Variants in SEC22A observed in about 807,000 individuals in gnomAD.
SEC22A encodes vesicle-trafficking protein SEC22a.
SEC22A carries 22 observed loss-of-function variants against 35.3 expected under a neutral mutation model. The ratio of observed to expected loss-of-function variants is 0.62; its 90% confidence interval spans 0.45 to 0.89. The LOEUF (loss-of-function observed/expected upper bound fraction) is 0.89. Ranked by LOEUF, SEC22A falls within the 40% of genes least tolerant of loss-of-function variation. SEC22A has a pLI of 0.00. For synonymous variants in SEC22A, 119 were observed against 129.5 expected, an observed-to-expected ratio of 0.92 and a Z score of 0.55; for missense variants, 354 against 362.5, an observed-to-expected ratio of 0.98 and a Z score of 0.19.
chr3:123,237,829 ATG>A (rs573677715), intron 4 of SEC22A, among the ~76,000 whole-genome samples: 3 of 151,642 alleles, frequency 2.0e-5, no homozygotes, highest in Non-Finnish European at 4.4e-5. Context: ...CACTTGGAAA[ATG>A]GGGAGAGTCT....
Position 123,224,157 on chromosome 3 carries a change from A to T in SEC22A, c.346+435A>T, listed in dbSNP as rs533889352. On this transcript the variant is annotated intron_variant, in intron 3 of 6. Transcript: ENST00000492595. ...GCCGTTGTAGCTCGAAAGCAGCCAT[A>T]GGCAGTACGTAAATGAGTGCAGTTA... is the stretch of plus-strand genomic sequence containing the variant. 2.0e-5 allele frequency among the ~76,000 whole-genome samples: 3 copies of T among 152,306 alleles called. No homozygotes were observed. In the South Asian group the frequency reaches 6.2e-4, roughly 32 times the overall value.
chr3:123,271,542 C>T lies in SEC22A; in HGVS notation c.744C>T (p.Tyr248=), dbSNP rs1481458331. 8 of 1,613,660 alleles carry T rather than the reference C, an allele frequency of 5.0e-6. No homozygotes were observed. Among genetic ancestry groups the T allele is most frequent in the Admixed American group, 3.3e-5 (2 of 60,024 alleles). ...AACAGTGTTATTTACTTGTCTACTA[C>T]ACCGGCTGGCGGAATGTCAAATCTT... ...CLYQCYLLVY[Y]TGWRNVKSFL... The change falls in exon 7 of 7, where the codon TAC becomes TAT. Residue 248 remains tyrosine, a synonymous_variant. Transcript: ENST00000492595.
At chr3:123,250,134 G>A (rs1265642715) in intron 5 of SEC22A, among the ~76,000 whole-genome samples, 10 of 152,118 alleles carry the variant, frequency 6.6e-5, no homozygotes, top group Admixed American at 5.9e-4. Flanking sequence ...TGGAGGGGCT[G>A]GGCACGGTGG....
chr3:123,242,103 G>T (rs1937529320), intron 4 of SEC22A, among the ~76,000 whole-genome samples: 1 of 151,998 alleles, frequency 6.6e-6, no homozygotes. Flanking sequence ...GGTTTCACTT[G>T]ATTCTCCTGC....
chr3:123,262,836 G>A (rs1467561780), intron 6 of SEC22A, among the ~76,000 whole-genome samples: 1 of 152,206 alleles, frequency 6.6e-6, no homozygotes, highest in Non-Finnish European at 1.5e-5. Context: ...ATGTGTATGG[G>A]TAAAGTTTTT....
chr3:123,263,203 C>T (rs775306733), intron 6 of SEC22A, among the ~76,000 whole-genome samples: 7 of 152,086 alleles, frequency 4.6e-5, no homozygotes, highest in African/African-American at 7.2e-5. Flanking sequence ...AAGAAAATAC[C>T]ATAGATTGGG....
chr3:123,268,551 C>T (rs1472300183), intron 6 of SEC22A, among the ~76,000 whole-genome samples: 1 of 152,086 alleles, frequency 6.6e-6, no homozygotes, highest in East Asian at 1.9e-4. Context: ...CTCCATCTTC[C>T]CAGAAACAGA....
intron 2 of SEC22A, among the ~76,000 whole-genome samples, chr3:123,216,784 C>G (rs1490440837): frequency 6.6e-6 from 1 of 152,160 alleles, no homozygotes; most frequent in African/African-American, 2.4e-5. Context: ...TAATACAATT[C>G]ATAAGATATG....
intron 4 of SEC22A, among the ~76,000 whole-genome samples, chr3:123,229,614 AAC>A (rs1279999158): frequency 6.6e-6 from 1 of 152,252 alleles, no homozygotes; most frequent in Non-Finnish European, 1.5e-5. Flanking sequence ...CTGTAATCCC[AAC>A]ACTTTGGGAG....
Position 123,270,211 on chromosome 3 carries a change from TTAACTC to T in SEC22A, c.724-1307_724-1302del, listed in dbSNP as rs141064556. On this transcript the variant is annotated intron_variant, in intron 6 of 6. Coordinates refer to ENST00000492595, the MANE Select transcript of SEC22A (RefSeq NM_012430.5). ...TATACAATAAACTGTTTTTGCATCT[TTAACTC>T]TAAAATTGTTTAGAAAGAAAAAGCT... 6.4e-4 allele frequency among the ~76,000 whole-genome samples: 97 copies of T among 152,360 alleles called. 2 individuals are homozygous for T. The East Asian group carries it at 0.018, about 28-fold the overall frequency.
intron 4 of SEC22A, among the ~76,000 whole-genome samples, chr3:123,227,194 A>G (rs1326222417): frequency 4.0e-5 from 6 of 151,858 alleles, no homozygotes; most frequent in African/African-American, 1.5e-4. Flanking sequence ...CTATTTGTTT[A>G]AGAAAATTAT....
chr3:123,237,318 T>C (rs1356853366), intron 4 of SEC22A, among the ~76,000 whole-genome samples: 3 of 148,854 alleles, frequency 2.0e-5, no homozygotes, highest in African/African-American at 7.4e-5. Flanking sequence ...TAGAGAAAAA[T>C]GTGTTACCAA....
chr3:123,219,069 C>T (rs1385424135), intron 2 of SEC22A, among the ~76,000 whole-genome samples: 1 of 152,144 alleles, frequency 6.6e-6, no homozygotes, highest in African/African-American at 2.4e-5. Flanking sequence ...GAAGGACTTT[C>T]AGTCTAAGAA....
chr3:123,259,213 T>C (rs1427957449), intron 5 of SEC22A, among the ~76,000 whole-genome samples: 1 of 152,198 alleles, frequency 6.6e-6, no homozygotes, highest in African/African-American at 2.4e-5. Context: ...TTTTACATGA[T>C]TTTTTTAGCA....
chr3:123,271,747 T>G lies in SEC22A; in HGVS notation c.*25T>G. ...ACACCATCCTTCAGATCTATTGCCTTGGCTTCAGGGGGATAAGGAGGGAAC... is the reference window on the plus strand; with the variant it reads ...ACACCATCCTTCAGATCTATTGCCTGGGCTTCAGGGGGATAAGGAGGGAAC... On this transcript the variant is annotated 3_prime_UTR_variant, in exon 7 of 7. Coordinates refer to ENST00000492595, the MANE Select transcript of SEC22A (RefSeq NM_012430.5). The G allele has an allele frequency of 1.3e-6, 2 of 1,598,444 alleles. No homozygotes were observed. The highest frequency in any genetic ancestry group is 1.1e-5 in the South Asian group (1 of 90,676).
chr3:123,246,665 A>T (rs981995168), intron 5 of SEC22A, among the ~76,000 whole-genome samples: 1 of 152,116 alleles, frequency 6.6e-6, no homozygotes, highest in African/African-American at 2.4e-5. Context: ...TGCTTTTTGT[A>T]AACTTTTTGA....
Position 123,255,389 on chromosome 3 carries a change from T to G in SEC22A, c.658-4135T>G, listed in dbSNP as rs188323132. On this transcript the variant is annotated intron_variant, in intron 5 of 6. Transcript: ENST00000492595. ...CATTCTCCAGTATTCTGTCCTTGGC[T>G]TTATATTCTTCCAACTCCATGCCCT... is the stretch of plus-strand genomic sequence containing the variant. Among the ~76,000 whole-genome samples the G allele has an allele frequency of 1.4e-4, 22 of 152,296 alleles. No homozygotes were observed. The East Asian group carries it at 3.9e-3, about 27-fold the overall frequency.
At chr3:123,263,276 C>T (rs1937934244) in intron 6 of SEC22A, among the ~76,000 whole-genome samples, 1 of 152,176 alleles carries the variant, frequency 6.6e-6, no homozygotes, top group Non-Finnish European at 1.5e-5. Flanking sequence ...GATGCTGGCA[C>T]ATCATGTTCT....
At chr3:123,231,038 A>G (rs896114255) in intron 4 of SEC22A, among the ~76,000 whole-genome samples, 2 of 152,190 alleles carry the variant, frequency 1.3e-5, no homozygotes, top group African/African-American at 4.8e-5. Flanking sequence ...GACAAAATGG[A>G]CTTTACGACA....
Sources: allele counts gnomAD v4.1 joint callset (sites outside exome capture counted in the v4.1 genomes callset), GRCh38; gene constraint gnomAD v4.1.1; transcripts MANE v1.5; gene names NCBI Gene and HGNC (gene_info 2026-07-23, HGNC 2026-07-21).